ARMH4: variants seen among roughly 807,000 people sequenced by gnomAD.
ARMH4 encodes the protein armadillo-like helical domain-containing protein 4.
In ARMH4, 49 loss-of-function variants were observed where a neutral mutation model predicts 61.9. The ratio of observed to expected loss-of-function variants is 0.79; its 90% confidence interval spans 0.63 to 1.00. The LOEUF (loss-of-function observed/expected upper bound fraction) is 1.00, where lower values mean the gene tolerates loss of function less well. Ranked by LOEUF, ARMH4 falls within the 50% of genes least tolerant of loss-of-function variation. ARMH4 has a pLI of 0.00. For missense variants in ARMH4, 934 were observed against 930.0 expected (o/e 1.00, Z -0.06); for synonymous variants, 368 against 341.5 (o/e 1.08, Z -0.85).
At chr14:58,039,236 T>C (rs542196723) in intron 5 of ARMH4, among the ~76,000 whole-genome samples, 76 of 152,340 alleles carry the variant, frequency 5.0e-4, no homozygotes, top group Non-Finnish European at 9.0e-4. Context: ...CAGTCTAGCA[T>C]CGCAATCTGA....
chr14:58,094,526 T>C (rs1409028395), intron 5 of ARMH4, among the ~76,000 whole-genome samples: 4 of 152,114 alleles, frequency 2.6e-5, no homozygotes, highest in African/African-American at 4.8e-5. Context: ...ATCCATACAA[T>C]TGAATACTAG....
chr14:58,058,408 G>T (rs886712022), intron 5 of ARMH4, among the ~76,000 whole-genome samples: 1 of 152,098 alleles, frequency 6.6e-6, no homozygotes, highest in African/African-American at 2.4e-5. Context: ...GGCAGAGCAG[G>T]CCCAAGGGTT....
intron 5 of ARMH4, among the ~76,000 whole-genome samples, chr14:58,056,352 A>G (rs1243871074): frequency 2.0e-5 from 3 of 152,238 alleles, no homozygotes; most frequent in African/African-American, 7.2e-5. Context: ...CAACCAACTT[A>G]CATATACTGT....
chr14:58,129,906 T>C (rs922380591), intron 4 of ARMH4, among the ~76,000 whole-genome samples: 3 of 152,170 alleles, frequency 2.0e-5, no homozygotes, highest in Non-Finnish European at 4.4e-5. Context: ...CAAAATATAT[T>C]ATCAAAAAGT....
At chr14:58,031,619 G>T (rs1034742784) in intron 5 of ARMH4, among the ~76,000 whole-genome samples, 1 of 152,092 alleles carries the variant, frequency 6.6e-6, no homozygotes, top group Non-Finnish European at 1.5e-5. Context: ...ACTTGCAACA[G>T]ACTTCGGCGA....
chr14:58,094,026 T>C (rs921547133), intron 5 of ARMH4, among the ~76,000 whole-genome samples: 1 of 152,156 alleles, frequency 6.6e-6, no homozygotes, highest in African/African-American at 2.4e-5. Flanking sequence ...CTGGTATCAC[T>C]AATTTAAGAA....
chr14:58,083,757 A>G (rs1885300046), intron 5 of ARMH4, among the ~76,000 whole-genome samples: 1 of 152,242 alleles, frequency 6.6e-6, no homozygotes, highest in South Asian at 2.1e-4. Context: ...TTAAATATCC[A>G]GAAAAGGGAC....
chr14:58,135,976 C>G (rs535084592), intron 2 of ARMH4, among the ~76,000 whole-genome samples: 3 of 151,962 alleles, frequency 2.0e-5, no homozygotes, highest in Non-Finnish European at 4.4e-5. Context: ...AAAGTAATAA[C>G]TTGACTGTTC....
chr14:58,141,415 G>A (rs1566602208), intron 1 of ARMH4: 1 of 537,274 alleles, frequency 1.9e-6, no homozygotes, highest in Non-Finnish European at 3.7e-6. Context: ...TCTGATATTT[G>A]CTGGGAAACG....
intron 3 of ARMH4, among the ~76,000 whole-genome samples, chr14:58,132,672 G>A (rs1887153369): frequency 1.5e-5 from 2 of 132,060 alleles, no homozygotes; most frequent in South Asian, 2.7e-4. Flanking sequence ...TGCAAGCTCC[G>A]CCCCCCGGGT....
intron 5 of ARMH4, among the ~76,000 whole-genome samples, chr14:58,040,156 A>C (rs941611504): frequency 8.5e-5 from 13 of 152,156 alleles, no homozygotes; most frequent in African/African-American, 3.1e-4. Flanking sequence ...TAGCACCCTA[A>C]ATTGATTTTT....
intron 4 of ARMH4, among the ~76,000 whole-genome samples, chr14:58,117,662 A>G (rs899844772): frequency 6.6e-6 from 1 of 152,156 alleles, no homozygotes. Context: ...TAAACTCAAC[A>G]ACACCCTATC....
At chr14:58,123,538 T>G (rs1594770751) in intron 4 of ARMH4, among the ~76,000 whole-genome samples, 1 of 152,156 alleles carries the variant, frequency 6.6e-6, no homozygotes, top group Admixed American at 6.5e-5. Flanking sequence ...CTCAGGATTA[T>G]CAATGAGGCC....
rs2139975626 is a variant in ARMH4, at chr14:58,138,025, G to C, written c.1334C>G (p.Ser445Cys). 6.2e-7 allele frequency: 1 copy of C among 1,614,002 alleles called. No individual in the cohort carries two copies. The highest frequency in any genetic ancestry group is 2.2e-5 in the East Asian group (1 of 44,884). The change falls in exon 2 of 8, where the codon TCT becomes TGT. Residue 445 changes from serine to cysteine, a missense_variant. Coordinates refer to ENST00000267485, the MANE Select transcript of ARMH4 (RefSeq NM_001001872.4). ...ATTTCCCAACAGTTGGTCTGCCTCA[G>C]ACTCATATACAGAGACAGAAACAGT... ...ETTVSVSVYE[S>C]EADQLLGNTM...
At chr14:58,058,598 C>T (rs1227584606) in intron 5 of ARMH4, among the ~76,000 whole-genome samples, 1 of 152,082 alleles carries the variant, frequency 6.6e-6, no homozygotes, top group African/African-American at 2.4e-5. Flanking sequence ...TGCAAACTGT[C>T]ACGGCACTGG....
intron 4 of ARMH4, among the ~76,000 whole-genome samples, chr14:58,115,354 A>G (rs187046365): frequency 1.3e-5 from 2 of 152,334 alleles, no homozygotes; most frequent in East Asian, 3.9e-4. Context: ...AGAGAAATGC[A>G]AATCAAAACC....
chr14:58,070,715 C>T (rs1884856533), intron 5 of ARMH4, among the ~76,000 whole-genome samples: 1 of 152,130 alleles, frequency 6.6e-6, no homozygotes, highest in Non-Finnish European at 1.5e-5. Flanking sequence ...ACAAACAGTC[C>T]AATTACACTC....
chr14:58,067,269 G>T (rs556873537), intron 5 of ARMH4, among the ~76,000 whole-genome samples: 7 of 152,324 alleles, frequency 4.6e-5, no homozygotes, highest in African/African-American at 1.7e-4. Flanking sequence ...AAAATGTATT[G>T]AGAGTCTGTT....
chr14:58,073,937 T>C (rs1411109117), intron 5 of ARMH4, among the ~76,000 whole-genome samples: 1 of 152,212 alleles, frequency 6.6e-6, no homozygotes, highest in Non-Finnish European at 1.5e-5. Context: ...CTAAAACATG[T>C]AGTAAACTAC....
Sources: gnomAD v4.1 joint callset for allele counts (sites outside exome capture counted in the v4.1 genomes callset) on GRCh38, gnomAD v4.1.1 for gene constraint, MANE v1.5 for transcripts, NCBI Gene and HGNC (gene_info 2026-07-23, HGNC 2026-07-21) for gene names.